The following VPS13D variants were observed in gnomAD, a reference collection of about 807,000 sequenced individuals.
VPS13D encodes vacuolar protein sorting 13 homolog D.
In VPS13D, 187 loss-of-function variants were observed where a neutral mutation model predicts 461.9. The ratio of observed to expected loss-of-function variants is 0.40; its 90% CI spans 0.36 to 0.46. The LOEUF (loss-of-function observed/expected upper bound fraction) is 0.46, where lower values mean the gene tolerates loss of function less well. Ranked by LOEUF, VPS13D falls within the 20% of genes least tolerant of loss-of-function variation. VPS13D has a pLI of 0.60. For missense variants in VPS13D, 4,711 were observed against 5,364.9 expected (o/e 0.88, Z 3.81); for synonymous variants, 1,951 against 1,986.3 (o/e 0.98, Z 0.47).
At chr1:12,282,135 G>C (rs1641804223) in intron 20 of VPS13D, among the ~76,000 whole-genome samples, 1 of 152,154 alleles carries the variant, frequency 6.6e-6, no homozygotes, top group Non-Finnish European at 1.5e-5. Context: ...CAGTCTGCCT[G>C]CCTCGGCCTC....
chr1:12,322,468 C>T (rs908959039), intron 33 of VPS13D, 68 bp from the exon 34 acceptor site: 26 of 1,470,854 alleles, frequency 1.8e-5, no homozygotes, highest in Non-Finnish European at 2.4e-5. Flanking sequence ...GGAATTACAT[C>T]TGTAAGAGAT....
intron 65 of VPS13D, among the ~76,000 whole-genome samples, chr1:12,424,111 A>G (rs904805516): frequency 3.3e-5 from 5 of 152,198 alleles, no homozygotes; most frequent in Admixed American, 2.0e-4. Context: ...TTGGGGTTTT[A>G]GTGTATTTAA....
At chr1:12,469,926 G>A (rs768458316) in intron 67 of VPS13D, among the ~76,000 whole-genome samples, 6 of 152,150 alleles carry the variant, frequency 3.9e-5, no homozygotes, top group Admixed American at 6.5e-5. Context: ...GCAGGTACTC[G>A]AGAAGGTGTA....
At position 12,373,755 on chromosome 1, in the gene VPS13D, AGGAG is replaced by A. The variant is rs1288603602; in HGVS notation, c.10818_10821del (p.Gly3607GlnfsTer29). 2.0e-6 allele frequency: 3 copies of A among 1,493,488 alleles called. No individual in the cohort carries two copies. Among genetic ancestry groups the A allele is most frequent in the African/African-American group, 1.4e-5 (1 of 69,060 alleles). 92.5% of individuals were successfully genotyped at this position (1,493,488 alleles called of 1,614,324 possible). A position where few individuals can be genotyped will look rare whatever the true frequency, so the allele number is the denominator to read the frequency against. ...ATATATTTTTTAAATTCTAGCTTGCAGGAGGGAACAGGCAGGCCTGTGGCTTCCA... is the reference window on the plus strand; with the variant it reads ...ATATATTTTTTAAATTCTAGCTTGCAGGAACAGGCAGGCCTGTGGCTTCCA... On this transcript the variant is annotated frameshift_variant, in exon 55 of 70. Coordinates refer to ENST00000620676, the MANE Select transcript of VPS13D (RefSeq NM_015378.4). LOFTEE classifies it high-confidence loss of function.
At chr1:12,425,537 T>A (rs558583704) in intron 65 of VPS13D, among the ~76,000 whole-genome samples, 2 of 151,322 alleles carry the variant, frequency 1.3e-5, no homozygotes, top group South Asian at 2.1e-4. Flanking sequence ...CCAGCCTGGG[T>A]GACAGAACAA....
Position 12,403,905 on chromosome 1 carries a change from C to T in VPS13D, c.11962C>T (p.Leu3988Phe). 1 of 1,613,544 alleles carries T rather than the reference C, an allele frequency of 6.2e-7. No homozygotes were observed. The highest frequency in any genetic ancestry group is 8.5e-7 in the Non-Finnish European group (1 of 1,179,882). The change falls in exon 63 of 70, where the codon CTC (leucine) becomes TTC (phenylalanine). Residue 3988 changes from leucine (L) to phenylalanine (F), a missense_variant. Physicochemically the swap from Leu to Phe is conservative, Grantham distance 22. Coordinates refer to ENST00000620676, the MANE Select transcript of VPS13D (RefSeq NM_015378.4). ...ACCAATTCGATACTACTTTGAAAAT[C>T]TCAAAATCAGCATTCCTCAGATCAA... is the stretch of plus-strand genomic sequence containing the variant. ...GTPIRYYFEN[L>F]KISIPQIKLS...
At chr1:12,263,008 TA>T (rs1166596144) in intron 13 of VPS13D, among the ~76,000 whole-genome samples, 6 of 152,148 alleles carry the variant, frequency 3.9e-5, no homozygotes, top group African/African-American at 1.4e-4. Flanking sequence ...TCAGCTGATT[TA>T]TGATATTTTC....
Position 12,460,372 on chromosome 1 carries a change from ACACAGC to A in VPS13D, c.12643_12648del (p.Ala4215_Thr4216del). On this transcript the variant is annotated inframe_deletion, in exon 67 of 70. Coordinates refer to ENST00000620676, the MANE Select transcript of VPS13D (RefSeq NM_015378.4). ...TCAGAAACAGCCCAGGCGGTGAGAG[ACACAGC>A]CACACTCAGCGGCCCCAGGTCAGTG... The A allele has an allele frequency of 1.2e-6, 2 of 1,605,980 alleles. No homozygotes were observed. The highest frequency in any genetic ancestry group is 1.7e-6 in the Non-Finnish European group (2 of 1,175,730).
intron 65 of VPS13D, among the ~76,000 whole-genome samples, chr1:12,454,987 A>G (rs1645307335): frequency 6.6e-6 from 1 of 152,244 alleles, no homozygotes; most frequent in Admixed American, 6.5e-5. Context: ...ACCTTTTCAG[A>G]TTGTCTTGTG....
chr1:12,489,322 A>G (rs1426405487), intron 67 of VPS13D, among the ~76,000 whole-genome samples: 2 of 152,176 alleles, frequency 1.3e-5, no homozygotes, highest in Non-Finnish European at 2.9e-5. Context: ...ACCCCTATAA[A>G]CAAGTCAGGT....
At chr1:12,238,656 A>C (rs1186642656) in intron 2 of VPS13D, among the ~76,000 whole-genome samples, 1 of 141,576 alleles carries the variant, frequency 7.1e-6, no homozygotes, top group Non-Finnish European at 1.5e-5. Context: ...TTTTGAGAGG[A>C]AGTCTCACTC....
At position 12,468,907 on chromosome 1, in the gene VPS13D, G is replaced by T. The variant is rs562467801; in HGVS notation, c.12662+8511G>T. ...AAATTACCCGGGTATGGTGGCACGC[G>T]CCTGTGGTCCCAGCTACTCCAGAGG... On this transcript the variant is annotated intron_variant, in intron 67 of 69. Transcript: ENST00000620676. 2.0e-4 allele frequency among the ~76,000 whole-genome samples: 31 copies of T among 152,048 alleles called. No homozygotes were observed. In the South Asian group the frequency reaches 6.5e-3, roughly 32 times the overall value.
chr1:12,309,486 A>G (rs891545117), intron 27 of VPS13D, among the ~76,000 whole-genome samples: 1 of 147,050 alleles, frequency 6.8e-6, no homozygotes, highest in African/African-American at 2.5e-5. Context: ...GCATATGGAC[A>G]TGGTGGCTCA....
At chr1:12,352,257 C>T (rs993745279) in intron 46 of VPS13D, among the ~76,000 whole-genome samples, 2 of 152,066 alleles carry the variant, frequency 1.3e-5, no homozygotes, top group African/African-American at 2.4e-5. Flanking sequence ...CACCACTGCA[C>T]TCCAGCTTGG....
chr1:12,282,618 T>A (rs1411707708), intron 20 of VPS13D, 87 bp from the exon 21 acceptor site: 2 of 1,252,444 alleles, frequency 1.6e-6, no homozygotes, highest in Non-Finnish European at 2.2e-6. Flanking sequence ...CATGTAGGAA[T>A]CATGTGGCAA....
intron 60 of VPS13D, 149 bp downstream of exon 60, chr1:12,386,483 A>G (rs1644352548): frequency 2.1e-6 from 2 of 958,566 alleles, no homozygotes; most frequent in South Asian, 2.1e-5. Flanking sequence ...AGTTGTTTCT[A>G]CCTACATTCG....
chr1:12,399,021 C>A (rs1644536986), intron 60 of VPS13D, among the ~76,000 whole-genome samples: 1 of 152,144 alleles, frequency 6.6e-6, no homozygotes. Context: ...ATAAGGATGG[C>A]AGCAAACCCT....
At chr1:12,483,400 T>G (rs1262759366) in intron 67 of VPS13D, among the ~76,000 whole-genome samples, 3 of 152,198 alleles carry the variant, frequency 2.0e-5, no homozygotes, top group Admixed American at 6.5e-5. Context: ...CCATTTGGAT[T>G]TTTCTTCTTT....
chr1:12,267,716 T>C, intron 14 of VPS13D, 129 bp from the exon 15 acceptor site: 1 of 813,884 alleles, frequency 1.2e-6, no homozygotes. Context: ...AAGTAGTCAA[T>C]CTGAGGTAAA....
Sources: gnomAD v4.1 joint callset for allele counts (sites outside exome capture counted in the v4.1 genomes callset) on GRCh38, gnomAD v4.1.1 for gene constraint, MANE v1.5 for transcripts, NCBI Gene and HGNC (gene_info 2026-07-23, HGNC 2026-07-21) for gene names.